Variants in HEMK2 observed in about 807,000 individuals in gnomAD.
HEMK2 encodes the protein methyltransferase HEMK2.
the HEMK2 span, among the ~76,000 whole-genome samples, chr21:28,768,753 A>G: frequency 6.6e-6 from 1 of 151,976 alleles, no homozygotes; most frequent in South Asian, 2.1e-4. Flanking sequence ...TGACCCCCTA[A>G]AAGTCATATG....
At chr21:28,654,184 G>A in the HEMK2 span, among the ~76,000 whole-genome samples, 1,180 of 152,224 alleles carry the variant, frequency 7.8e-3, 25 homozygotes, top group African/African-American at 0.027. Flanking sequence ...CTTGAAGGCC[G>A]ATCAGAACAG....
the HEMK2 span, among the ~76,000 whole-genome samples, chr21:28,810,358 G>A: frequency 6.6e-6 from 1 of 152,150 alleles, no homozygotes; most frequent in Non-Finnish European, 1.5e-5. Flanking sequence ...GAGAGCAACA[G>A]TCATGGAAGC....
chr21:28,841,472 GAAT>G, the HEMK2 span, among the ~76,000 whole-genome samples: 1 of 102,170 alleles, frequency 9.8e-6, no homozygotes, highest in African/African-American at 3.7e-5. Flanking sequence ...ATATATGATG[GAAT>G]ACTACATAGC....
the HEMK2 span, among the ~76,000 whole-genome samples, chr21:28,791,031 T>C: frequency 1.3e-5 from 2 of 152,130 alleles, no homozygotes; most frequent in Non-Finnish European, 2.9e-5. Flanking sequence ...ACACCCTTGA[T>C]TGACAGTATT....
the HEMK2 span, among the ~76,000 whole-genome samples, chr21:28,827,355 A>C: frequency 1.3e-5 from 2 of 152,200 alleles, no homozygotes; most frequent in African/African-American, 4.8e-5. Context: ...CTTCCTTCTC[A>C]GAAGCTTCTT....
chr21:28,826,068 C>A, the HEMK2 span, among the ~76,000 whole-genome samples: 1 of 152,318 alleles, frequency 6.6e-6, no homozygotes, highest in East Asian at 1.9e-4. Flanking sequence ...AATGCATTTG[C>A]TTTAAATGGG....
At chr21:28,588,948 A>C in the HEMK2 span, among the ~76,000 whole-genome samples, 2 of 146,694 alleles carry the variant, frequency 1.4e-5, no homozygotes, top group Non-Finnish European at 3.0e-5. Flanking sequence ...ACGCCACTGC[A>C]CTCCAGCCTG....
At chr21:28,812,339 GT>G in the HEMK2 span, among the ~76,000 whole-genome samples, 1 of 152,130 alleles carries the variant, frequency 6.6e-6, no homozygotes, top group Admixed American at 6.6e-5. Flanking sequence ...TTTATTGAAA[GT>G]TTTTAGCATG....
At chr21:28,768,339 C>G in the HEMK2 span, among the ~76,000 whole-genome samples, 10,592 of 152,180 alleles carry the variant, frequency 0.07, 425 homozygotes, top group Middle Eastern at 0.12. Context: ...GGGATTCTTA[C>G]TGTGTAGCAT....
chr21:28,732,969 C>T, the HEMK2 span, among the ~76,000 whole-genome samples: 3 of 152,258 alleles, frequency 2.0e-5, no homozygotes, highest in African/African-American at 7.2e-5. Flanking sequence ...CTCTACTCAT[C>T]ACGTCTCCCA....
At chr21:28,812,996 T>C in the HEMK2 span, among the ~76,000 whole-genome samples, 2 of 152,210 alleles carry the variant, frequency 1.3e-5, no homozygotes, top group African/African-American at 4.8e-5. Context: ...CTTTATCATT[T>C]TTTATTGTGT....
At chr21:28,786,858 G>A in the HEMK2 span, among the ~76,000 whole-genome samples, 1 of 152,018 alleles carries the variant, frequency 6.6e-6, no homozygotes, top group Non-Finnish European at 1.5e-5. Flanking sequence ...ATTGATAGAA[G>A]AAGCTACAAA....
the HEMK2 span, among the ~76,000 whole-genome samples, chr21:28,862,656 AAAG>A: frequency 8.3e-6 from 1 of 121,092 alleles, no homozygotes; most frequent in Non-Finnish European, 1.7e-5. Context: ...AAAAAAAAAA[AAAG>A]AAAGTAGTCA....
chr21:28,883,766 C>T, the HEMK2 span, among the ~76,000 whole-genome samples: 2 of 152,138 alleles, frequency 1.3e-5, no homozygotes, highest in African/African-American at 4.8e-5. Flanking sequence ...GTCACCTAGG[C>T]TAGAGTGCAG....
At chr21:28,803,942 A>G in the HEMK2 span, among the ~76,000 whole-genome samples, 1 of 152,178 alleles carries the variant, frequency 6.6e-6, no homozygotes, top group Non-Finnish European at 1.5e-5. Flanking sequence ...CTCACAAATA[A>G]TTTCTGTCCT....
chr21:28,590,055 C>T, the HEMK2 span, among the ~76,000 whole-genome samples: 58,656 of 152,082 alleles, frequency 0.39, 11,723 homozygotes, highest in Middle Eastern at 0.48. Flanking sequence ...GGAGGCTGGA[C>T]GTGCCAATAA....
At chr21:28,575,666 T>C in the HEMK2 span, among the ~76,000 whole-genome samples, 39 of 152,188 alleles carry the variant, frequency 2.6e-4, no homozygotes, top group Non-Finnish European at 5.1e-4. Flanking sequence ...CTTTAGTATA[T>C]AGTTCAATAA....
At chr21:28,870,682 A>G in the HEMK2 span, among the ~76,000 whole-genome samples, 1 of 152,078 alleles carries the variant, frequency 6.6e-6, no homozygotes, top group Non-Finnish European at 1.5e-5. Context: ...ATTACATCGC[A>G]CCCAGCCTAA....
the HEMK2 span, among the ~76,000 whole-genome samples, chr21:28,750,514 C>T: frequency 2.0e-5 from 3 of 151,902 alleles, no homozygotes; most frequent in Non-Finnish European, 4.4e-5. Flanking sequence ...GCCTGGCCAA[C>T]ATGGTGAAGC....
Sources: allele counts gnomAD v4.1 joint callset (sites outside exome capture counted in the v4.1 genomes callset), GRCh38; gene constraint gnomAD v4.1.1; transcripts MANE v1.5; gene names NCBI Gene and HGNC (gene_info 2026-07-23, HGNC 2026-07-21).